The following ZNF462 variants were observed in gnomAD, a reference collection of about 807,000 sequenced individuals.
ZNF462 encodes zinc finger PBX1-interacting protein.
A neutral mutation model predicts 201.9 loss-of-function variants in ZNF462; 10 were observed. The ratio of observed to expected loss-of-function variants is 0.05; its 90% CI spans 0.03 to 0.08. The LOEUF (loss-of-function observed/expected upper bound fraction) is 0.08. Among genes scored for constraint, ZNF462 ranks in the 10% least tolerant of loss-of-function variants. ZNF462 has a pLI of 1.00. For missense variants in ZNF462, 2,523 were observed against 3,168.3 expected, an observed-to-expected ratio of 0.80 and a Z score of 4.89; for synonymous variants, 1,227 against 1,193.3, an observed-to-expected ratio of 1.03 and a Z score of -0.58.
At position 106,974,393 on chromosome 9, in the gene ZNF462, A is replaced by G; in HGVS notation, c.6832+120A>G. 1.3e-6 allele frequency: 2 copies of G among 1,483,340 alleles called. No individual in the cohort carries two copies. Among genetic ancestry groups the G allele is most frequent in the Non-Finnish European group, 1.9e-6 (2 of 1,062,620 alleles). 91.9% of individuals were successfully genotyped at this position (1,483,340 alleles called of 1,614,324 possible). Reference sequence around the variant, plus strand: ...GTGCCTTGTTCCTCACCTTATCTTCAGGCAAGAAACCACAGTGATAACCAC... The same window carrying G: ...GTGCCTTGTTCCTCACCTTATCTTCGGGCAAGAAACCACAGTGATAACCAC... On this transcript the variant is annotated intron_variant, in intron 9 of 12. Transcript: ENST00000277225. This position sits in a 1 kb window ranked among gnomAD's most constrained non-coding sequence, Gnocchi z 4.0.
In ZNF462 at chr9:106,930,356, G is replaced by A. The variant is rs189651445; in HGVS notation, c.5848-169G>A. ...TCAAAGACTTTGCATAGTAGGCAGC[G>A]TGCCATGATGCTGACAAATTTGTTA... is the stretch of plus-strand genomic sequence containing the variant. On this transcript the variant is annotated intron_variant, in intron 3 of 12. Coordinates refer to ENST00000277225, the MANE Select transcript of ZNF462 (RefSeq NM_021224.6). The surrounding 1 kb of genome is among the most constrained non-coding windows in gnomAD (Gnocchi z 5.8). Among the ~76,000 whole-genome samples the A allele has an allele frequency of 5.3e-5, 8 of 152,298 alleles. No individual in the cohort carries two copies. Among genetic ancestry groups the A allele is most frequent in the Admixed American group, 1.3e-4 (2 of 15,304 alleles).
At chr9:106,901,540 ATCCATGAGCATGGGAT>A (rs1829065377) in intron 1 of ZNF462, among the ~76,000 whole-genome samples, 1 of 152,146 alleles carries the variant, frequency 6.6e-6, no homozygotes, top group South Asian at 2.1e-4. Flanking sequence ...GATTCTACCC[ATCCATGAGCATGGGAT>A]GTGTTTCCTT....
chr9:106,922,265 C>G (rs1192321270), intron 1 of ZNF462, among the ~76,000 whole-genome samples: 1 of 152,196 alleles, frequency 6.6e-6, no homozygotes, highest in African/African-American at 2.4e-5. Flanking sequence ...TAGATAATAA[C>G]AGGGTATCTC....
Position 107,008,650 on chromosome 9 carries a change from A to G in ZNF462, c.7190-895A>G. On this transcript the variant is annotated intron_variant, in intron 11 of 12. Coordinates refer to ENST00000277225, the MANE Select transcript of ZNF462 (RefSeq NM_021224.6). The surrounding 1 kb of genome is among the most constrained non-coding windows in gnomAD (Gnocchi z 4.8). The stretch of plus-strand genomic sequence containing the variant: ...CACATATGGGCTAGGAACTCGGGCT[A>G]ACACAATGGCCATATAATCTCTTAT... Among the ~76,000 whole-genome samples the G allele has an allele frequency of 6.6e-6, 1 of 152,206 alleles. No individual in the cohort carries two copies. The highest frequency in any genetic ancestry group is 1.9e-4 in the East Asian group (1 of 5,192).
upstream of ZNF462, among the ~76,000 whole-genome samples, chr9:106,860,775 G>GA (rs1309940140): frequency 6.6e-6 from 1 of 152,146 alleles, no homozygotes. This position sits in a 1 kb window ranked among gnomAD's most constrained non-coding sequence, Gnocchi z 7.1. Context: ...TGGGGTGGCG[G>GA]CGGCCAGCGC....
intron 6 of ZNF462, among the ~76,000 whole-genome samples, chr9:106,937,920 TA>T (rs1184955442): frequency 1.3e-5 from 2 of 152,208 alleles, no homozygotes; most frequent in African/African-American, 4.8e-5. Flanking sequence ...GATATCTTCT[TA>T]TTACTCTTTG....
intron 10 of ZNF462, among the ~76,000 whole-genome samples, chr9:106,990,532 T>C (rs1828187568): frequency 6.6e-6 from 1 of 152,092 alleles, no homozygotes; most frequent in Non-Finnish European, 1.5e-5. Context: ...AGTCCCCCAC[T>C]ATTATTGTAT....
At chr9:106,944,798 T>C (rs908327612) in intron 7 of ZNF462, among the ~76,000 whole-genome samples, 18 of 152,200 alleles carry the variant, frequency 1.2e-4, no homozygotes, top group African/African-American at 3.9e-4. Flanking sequence ...GACATAAGAA[T>C]GTACAGTATT....
rs2131325300 is a variant in ZNF462 at position 106,913,424 on chromosome 9, T to TA, written c.-30-9929dup. Among the ~76,000 whole-genome samples, 1 of 152,278 alleles carries TA rather than the reference T, an allele frequency of 6.6e-6. No individual in the cohort carries two copies. The highest frequency in any genetic ancestry group is 1.9e-4 in the East Asian group (1 of 5,182). On this transcript the variant is annotated intron_variant, in intron 1 of 12. Coordinates refer to ENST00000277225, the MANE Select transcript of ZNF462 (RefSeq NM_021224.6). This position sits in a 1 kb window ranked among gnomAD's most constrained non-coding sequence, Gnocchi z 4.1. ...GCACAAATCTCATCAGAGCCAGACTTATGCCGGGCCCTGGGGATATAAGAA... is the reference window on the plus strand; with the variant it reads ...GCACAAATCTCATCAGAGCCAGACTTAATGCCGGGCCCTGGGGATATAAGAA...
chr9:106,997,811 T>C (rs1828854120), intron 10 of ZNF462, among the ~76,000 whole-genome samples: 2 of 152,162 alleles, frequency 1.3e-5, no homozygotes, highest in Admixed American at 6.5e-5. Context: ...GTCCACCTCC[T>C]TTTTTATATG....
chr9:106,951,634 G>A (rs555986074), intron 7 of ZNF462, among the ~76,000 whole-genome samples: 18 of 152,096 alleles, frequency 1.2e-4, no homozygotes, highest in Non-Finnish European at 2.4e-4. Context: ...ACTAGCCCAG[G>A]CAGAGCAGCT....
At chr9:106,967,103 C>G (rs1832108996) in intron 7 of ZNF462, among the ~76,000 whole-genome samples, 1 of 152,102 alleles carries the variant, frequency 6.6e-6, no homozygotes, top group African/African-American at 2.4e-5. Flanking sequence ...GCTGAACTCT[C>G]CTGTTACTGT....
chr9:106,967,828 T>C (rs930464534), intron 7 of ZNF462, among the ~76,000 whole-genome samples: 4 of 152,168 alleles, frequency 2.6e-5, no homozygotes, highest in Non-Finnish European at 2.9e-5. Flanking sequence ...TGGTCCCTTA[T>C]TTTGTTTATA....
rs1564101531 is a variant in ZNF462, at chr9:106,924,277, T to A, written c.365T>A (p.Leu122His). 6.2e-7 allele frequency: 1 copy of A among 1,614,076 alleles called. No homozygotes were observed. Among genetic ancestry groups the A allele is most frequent in the Non-Finnish European group, 8.5e-7 (1 of 1,180,024 alleles). The change falls in exon 3 of 13, where the codon CTC becomes CAC. Residue 122 changes from leucine to histidine, a missense_variant. Leu to His is a moderately conservative substitution (Grantham distance 99). Around this residue, in one of 15 missense-constraint regions of ZNF462, gnomAD observed 480 missense variants for 544.4 expected, o/e 0.88. Coordinates refer to ENST00000277225, the MANE Select transcript of ZNF462 (RefSeq NM_021224.6). The surrounding 1 kb of genome is among the most constrained non-coding windows in gnomAD (Gnocchi z 6.2). ...FCVRYFRSKN[L>H]LIEHTRKVHG... ...GTACGCTACTTCAGGTCAAAAAACC[T>A]CCTCATAGAACACACTAGAAAGGTC... is the stretch of plus-strand genomic sequence containing the variant.
chr9:106,912,745 T>A (rs528295310), intron 1 of ZNF462, among the ~76,000 whole-genome samples: 1 of 152,296 alleles, frequency 6.6e-6, no homozygotes, highest in Non-Finnish European at 1.5e-5. Flanking sequence ...GTCTTTAAGA[T>A]CTCCTCTCCA....
Position 106,928,930 on chromosome 9 carries a change from A to G in ZNF462, c.5018A>G (p.Lys1673Arg), listed in dbSNP as rs1426391149. The part of the protein sequence containing the change: ...QLCKYFCSTR[K>R]GIARHYRIKH... The stretch of plus-strand genomic sequence containing the variant: ...TGCAAGTACTTCTGCTCCACGAGGA[A>G]GGGGATCGCCAGGCACTACCGCATC... The change falls in exon 3 of 13, where the codon AAG becomes AGG. Residue 1673 changes from lysine to arginine, a missense_variant. By Grantham distance (26) the Lys-to-Arg change is conservative. This residue lies in a region of ZNF462 where 200 missense variants were observed against 281.3 expected (regional missense o/e 0.71). Coordinates refer to ENST00000277225, the MANE Select transcript of ZNF462 (RefSeq NM_021224.6). The surrounding 1 kb of genome is among the most constrained non-coding windows in gnomAD (Gnocchi z 9.3). The G allele has an allele frequency of 1.2e-6, 2 of 1,613,948 alleles. No individual in the cohort carries two copies. Among genetic ancestry groups the G allele is most frequent in the Non-Finnish European group, 1.7e-6 (2 of 1,180,026 alleles).
Position 106,954,252 on chromosome 9 carries a change from A to T in ZNF462, c.6427+15145A>T, listed in dbSNP as rs192548822. 1.5e-3 allele frequency among the ~76,000 whole-genome samples: 221 copies of T among 152,234 alleles called. 3 individuals are homozygous for T. Among genetic ancestry groups the T allele is most frequent in the African/African-American group, 5.1e-3 (213 of 41,544 alleles). On this transcript the variant is annotated intron_variant, in intron 7 of 12. Transcript: ENST00000277225. The surrounding 1 kb of genome is among the most constrained non-coding windows in gnomAD (Gnocchi z 4.0). ...GGAGGCCTCAGGAAACTTATAATCAAGGTGGAAGGCAAAGGGGGAGCAAGG... is the reference window on the plus strand; with the variant it reads ...GGAGGCCTCAGGAAACTTATAATCATGGTGGAAGGCAAAGGGGGAGCAAGG...
At chr9:106,868,303 A>G (rs758976514) in intron 1 of ZNF462, among the ~76,000 whole-genome samples, 18 of 152,158 alleles carry the variant, frequency 1.2e-4, no homozygotes, top group Non-Finnish European at 1.8e-4. Context: ...TGGACAGTTT[A>G]ATTTTAGCCC....
intron 7 of ZNF462, among the ~76,000 whole-genome samples, chr9:106,949,520 C>T (rs1178732321): frequency 1.3e-5 from 2 of 152,154 alleles, no homozygotes; most frequent in Admixed American, 1.3e-4. Context: ...TCCCTTCCTC[C>T]CACCCCAGTG....
Sources: gnomAD v4.1 joint callset for allele counts (sites outside exome capture counted in the v4.1 genomes callset) on GRCh38, gnomAD v4.1.1 for gene constraint, gnomAD v4.1.1 regional missense constraint, Gnocchi (gnomAD v3.1) non-coding constraint, MANE v1.5 for transcripts, NCBI Gene and HGNC (gene_info 2026-07-23, HGNC 2026-07-21) for gene names.